Variants in MYLK observed in about 807,000 individuals in gnomAD.
MYLK encodes myosin light chain kinase, smooth muscle.
In MYLK, 106 loss-of-function variants were observed where a neutral mutation model predicts 203.4. The observed-to-expected ratio is 0.52, with a 90% confidence interval of 0.45 to 0.61. The LOEUF (loss-of-function observed/expected upper bound fraction) is 0.61, where lower values mean the gene tolerates loss of function less well. Among genes scored for constraint, MYLK ranks in the 20% least tolerant of loss-of-function variants. The pLI, the probability that MYLK is intolerant of heterozygous loss-of-function variation, is 0.00. For missense variants in MYLK, 2,072 were observed against 2,442.3 expected (o/e 0.85, Z 3.20); for synonymous variants, 867 against 959.5 (o/e 0.90, Z 1.78).
At chr3:123,880,109 T>C (rs925266125) in intron 1 of MYLK, among the ~76,000 whole-genome samples, 3 of 152,202 alleles carry the variant, frequency 2.0e-5, no homozygotes, top group African/African-American at 4.8e-5. Flanking sequence ...CTATTTATAT[T>C]CCTATATTCA....
Position 123,709,908 on chromosome 3 carries a change from A to G in MYLK, c.1805-15T>C, listed in dbSNP as rs1397188010. ...ACTCTTCTTTTCTGTGTGGTAGAAA[A>G]CAGAACGTGGGGTGAACATTCATGC... is the stretch of plus-strand genomic sequence containing the variant. On this transcript the variant is annotated splice_polypyrimidine_tract_variant and intron_variant, in intron 13 of 33. Coordinates refer to ENST00000360304, the MANE Select transcript of MYLK (RefSeq NM_053025.4). 6.2e-7 allele frequency: 1 copy of G among 1,613,842 alleles called. No homozygotes were observed. Among genetic ancestry groups the G allele is most frequent in the African/African-American group, 1.3e-5 (1 of 75,016 alleles).
intron 4 of MYLK, among the ~76,000 whole-genome samples, chr3:123,770,268 G>C (rs2063836107): frequency 6.6e-6 from 1 of 152,156 alleles, no homozygotes; most frequent in Non-Finnish European, 1.5e-5. Flanking sequence ...AGGTTGCAGT[G>C]AGCTGAGATC....
At chr3:123,696,622 C>T (rs1196547248) in intron 18 of MYLK, among the ~76,000 whole-genome samples, 1 of 152,234 alleles carries the variant, frequency 6.6e-6, no homozygotes, top group South Asian at 2.1e-4. Context: ...CCATCCTGCC[C>T]TTCCAAGCCA....
At chr3:123,741,390 G>A (rs747058664) in intron 5 of MYLK, among the ~76,000 whole-genome samples, 6 of 152,200 alleles carry the variant, frequency 3.9e-5, no homozygotes, top group Non-Finnish European at 7.4e-5. Flanking sequence ...ATTACTTAGT[G>A]AGCTGTGTCT....
chr3:123,653,747 C>T lies in MYLK; in HGVS notation c.4288+3379G>A, dbSNP rs544753569. Among the ~76,000 whole-genome samples the T allele has an allele frequency of 3.9e-5, 6 of 152,266 alleles. No homozygotes were observed. The South Asian group carries it at 1.2e-3, about 32-fold the overall frequency. ...CCCTGGGGGCCACACCTTGTAGCTC[C>T]CGTGGCCTCTGGTCCTGCTGCCTGG... On this transcript the variant is annotated intron_variant, in intron 24 of 33. Coordinates refer to ENST00000360304, the MANE Select transcript of MYLK (RefSeq NM_053025.4).
chr3:123,675,778 C>T (rs761196070), intron 20 of MYLK, among the ~76,000 whole-genome samples: 25 of 152,116 alleles, frequency 1.6e-4, no homozygotes, highest in African/African-American at 5.3e-4. Context: ...GAGGCTGTAT[C>T]GGAGCAGGAA....
intron 29 of MYLK, among the ~76,000 whole-genome samples, chr3:123,631,756 A>T (rs2058433735): frequency 6.6e-6 from 1 of 152,142 alleles, no homozygotes; most frequent in South Asian, 2.1e-4. Context: ...TAAGAAGGCA[A>T]AGAGAATCAT....
chr3:123,825,761 T>A (rs908792786), intron 3 of MYLK, among the ~76,000 whole-genome samples: 1 of 152,210 alleles, frequency 6.6e-6, no homozygotes, highest in African/African-American at 2.4e-5. Flanking sequence ...CCCAGTTGCA[T>A]GGGCCCAAGA....
At position 123,734,200 on chromosome 3, in the gene MYLK, C is replaced by G; in HGVS notation, c.796G>C (p.Ala266Pro). 8.0e-7 allele frequency: 1 copy of G among 1,253,362 alleles called. No homozygotes were observed. Among genetic ancestry groups the G allele is most frequent in the South Asian group, 1.4e-5 (1 of 72,230 alleles). The allele number at this position is 1,253,362 out of a possible 1,614,324, so 77.6% of individuals were successfully genotyped here. Reference sequence around the variant, plus strand: ...TCTTTCCTGACATCTGAATTGGTGGCTTTTGTTTCTCTCACAAATGACCTG... The same window carrying G: ...TCTTTCCTGACATCTGAATTGGTGGGTTTTGTTTCTCTCACAAATGACCTG... ...ANRSFVRETK[A>P]TNSDVRKEVT... is the part of the protein sequence containing the mutation. Residue 266 changes from alanine to proline, a missense_variant, in exon 10 of 34, where the codon GCC (alanine) becomes CCC (proline). This residue lies in a region of MYLK where 683 missense variants were observed against 643.8 expected (regional missense o/e 1.06). Transcript: ENST00000360304.
In MYLK at chr3:123,700,573, G is replaced by C; in HGVS notation, c.2895C>G (p.Thr965=). ...GCGGTGGCACCTTCTCAGGCACGGG[G>C]GTCTTGGAAGTCCCCTTCTTGGCCA... ...SVLAKKGTSK[T]PVPEKVPPPK... is the part of the protein sequence containing the mutation. Residue 965 remains threonine, a synonymous_variant, in exon 18 of 34, where the codon ACC becomes ACG. Transcript: ENST00000360304. The C allele has an allele frequency of 1.9e-6, 3 of 1,613,668 alleles. No homozygotes were observed. The highest frequency in any genetic ancestry group is 8.5e-7 in the Non-Finnish European group (1 of 1,179,902).
chr3:123,781,515 A>G (rs2064297894), intron 4 of MYLK, among the ~76,000 whole-genome samples: 1 of 152,226 alleles, frequency 6.6e-6, no homozygotes, highest in Admixed American at 6.5e-5. Flanking sequence ...GGGGGTAACT[A>G]GCACTCTCTA....
chr3:123,663,749 G>A (rs942136296), intron 23 of MYLK, among the ~76,000 whole-genome samples: 8 of 152,172 alleles, frequency 5.3e-5, no homozygotes, highest in African/African-American at 7.2e-5. Context: ...CACCTGTGGC[G>A]TAGGGGCCAA....
At chr3:123,692,599 C>T (rs2060721817) in intron 19 of MYLK, 136 bp downstream of exon 19, 2 of 866,616 alleles carry the variant, frequency 2.3e-6, no homozygotes, top group Non-Finnish European at 3.9e-6. Context: ...TTCATTCATC[C>T]AAAATGAATG....
rs76120440 is a variant in MYLK at position 123,834,671 on chromosome 3, C to T, written c.-126-3001G>A. Among the ~76,000 whole-genome samples, 848 of 152,176 alleles carry T rather than the reference C, an allele frequency of 5.6e-3. 8 individuals are homozygous for T. The highest frequency in any genetic ancestry group is 0.019 in the African/African-American group (779 of 41,514). On this transcript the variant is annotated intron_variant, in intron 2 of 33. Transcript: ENST00000360304. ...TGAATGTCCTACATTAAATAGAATG[C>T]TCATTATAAAGAGCATTATAAAGCA...
chr3:123,804,379 A>C (rs1384323664), intron 3 of MYLK, among the ~76,000 whole-genome samples: 1 of 151,820 alleles, frequency 6.6e-6, no homozygotes, highest in Non-Finnish European at 1.5e-5. Flanking sequence ...AAAAAGGGTC[A>C]CCTCTCTGTG....
intron 4 of MYLK, among the ~76,000 whole-genome samples, chr3:123,753,681 C>G (rs1019330432): frequency 5.3e-5 from 8 of 152,154 alleles, no homozygotes; most frequent in Non-Finnish European, 1.0e-4. Flanking sequence ...ACACTTGAAA[C>G]TCAGTAGGCT....
At chr3:123,716,006 A>G (rs1380758811) in intron 13 of MYLK, 4 of 152,182 alleles carry the variant, frequency 2.6e-5, no homozygotes, top group South Asian at 2.1e-4. Context: ...TACAATGCAA[A>G]ATGCCATTCC....
intron 3 of MYLK, among the ~76,000 whole-genome samples, chr3:123,816,178 G>T (rs888353816): frequency 2.0e-5 from 3 of 152,256 alleles, no homozygotes; most frequent in African/African-American, 7.2e-5. Context: ...CATCCTATGG[G>T]TCTCCCATAT....
At chr3:123,672,332 G>C (rs1388831546) in intron 20 of MYLK, among the ~76,000 whole-genome samples, 3 of 152,040 alleles carry the variant, frequency 2.0e-5, no homozygotes, top group South Asian at 2.1e-4. Flanking sequence ...GAGGACACAG[G>C]GGAAAGACTG....
Sources: allele counts gnomAD v4.1 joint callset (sites outside exome capture counted in the v4.1 genomes callset), GRCh38; gene constraint gnomAD v4.1.1; regional missense constraint gnomAD v4.1.1; transcripts MANE v1.5; gene names NCBI Gene and HGNC (gene_info 2026-07-23, HGNC 2026-07-21).